Variants in MPPED1 observed in about 807,000 individuals in gnomAD.
The protein encoded by MPPED1 is metallophosphoesterase domain-containing protein 1.
A neutral mutation model predicts 36.2 loss-of-function variants in MPPED1; 16 were observed. The ratio of observed to expected loss-of-function variants is 0.44; its 90% CI spans 0.30 to 0.67. The LOEUF (loss-of-function observed/expected upper bound fraction) is 0.67, where lower values mean the gene tolerates loss of function less well. Ranked by LOEUF, MPPED1 falls within the 30% of genes least tolerant of loss-of-function variation. MPPED1 has a pLI of 0.10. For synonymous variants in MPPED1, 199 were observed against 191.3 expected (o/e 1.04, Z -0.33); for missense variants, 307 against 453.4 (o/e 0.68, Z 2.93).
At chr22:43,478,198 T>C (rs974954836) in intron 4 of MPPED1, among the ~76,000 whole-genome samples, 2 of 152,234 alleles carry the variant, frequency 1.3e-5, no homozygotes, top group African/African-American at 4.8e-5. Flanking sequence ...AGTGGCCTTT[T>C]TGAACGTATC....
chr22:43,438,137 A>G (rs1930028222), intron 3 of MPPED1, among the ~76,000 whole-genome samples: 1 of 152,140 alleles, frequency 6.6e-6, no homozygotes, highest in African/African-American at 2.4e-5. Context: ...ATGCGAGGGG[A>G]CGGTGGCTTC....
At chr22:43,445,994 C>A (rs1208691092) in intron 3 of MPPED1, among the ~76,000 whole-genome samples, 3 of 151,196 alleles carry the variant, frequency 2.0e-5, no homozygotes, top group African/African-American at 7.3e-5. Context: ...CCTTAGCCCC[C>A]CTAGTAGCTG....
intron 1 of MPPED1, among the ~76,000 whole-genome samples, chr22:43,422,273 T>C (rs933218): frequency 0.28 from 43,010 of 152,170 alleles, 7,362 homozygotes; most frequent in Non-Finnish European, 0.38. Context: ...CCTTGATCAT[T>C]TGTCAAACAT....
intron 3 of MPPED1, among the ~76,000 whole-genome samples, chr22:43,466,593 G>T (rs1293259440): frequency 1.3e-5 from 2 of 152,014 alleles, no homozygotes; most frequent in African/African-American, 4.8e-5. Flanking sequence ...TGAGCCAGGG[G>T]GATTGTCTCT....
chr22:43,476,624 C>T (rs942578433), intron 4 of MPPED1, among the ~76,000 whole-genome samples: 3 of 152,130 alleles, frequency 2.0e-5, no homozygotes, highest in Non-Finnish European at 4.4e-5. Flanking sequence ...CTTGCCATAG[C>T]CTCCTCATGG....
chr22:43,456,366 A>G (rs1222208631), intron 3 of MPPED1, among the ~76,000 whole-genome samples: 3 of 152,158 alleles, frequency 2.0e-5, no homozygotes. Context: ...GGCTTAGGTG[A>G]TTCTCCTGCC....
Position 43,435,142 on chromosome 22 carries a change from C to A in MPPED1, c.333C>A (p.Asp111Glu), listed in dbSNP as rs200057030. ...ACCCCATCCAGATGCCGTACGGCGA[C>A]GTGCTGATCCACGCTGGGGACTTCA... The part of the protein sequence containing the change: ...RTDPIQMPYG[D>E]VLIHAGDFTE... The change falls in exon 3 of 7, where the codon GAC (aspartate) becomes GAA (glutamate). Residue 111 changes from aspartate to glutamate, a missense_variant. Physicochemically the swap from Asp to Glu is conservative, Grantham distance 45 (BLOSUM62 2). Around this residue, in one of 3 missense-constraint regions of MPPED1, gnomAD observed 169 missense variants for 212.3 expected, o/e 0.80. Coordinates refer to ENST00000443721, the MANE Select transcript of MPPED1 (RefSeq NM_001044370.2). 8 of 1,613,676 alleles carry A rather than the reference C, an allele frequency of 5.0e-6. No individual in the cohort carries two copies. The highest frequency in any genetic ancestry group is 1.3e-5 in the African/African-American group (1 of 75,064).
chr22:43,465,708 G>A (rs1931144086), intron 3 of MPPED1, among the ~76,000 whole-genome samples: 1 of 152,186 alleles, frequency 6.6e-6, no homozygotes, highest in Admixed American at 6.5e-5. Flanking sequence ...AAGTGGCCCT[G>A]GGGTTGGCTG....
At chr22:43,470,106 T>TCATCCATC (rs201279311) in intron 3 of MPPED1, among the ~76,000 whole-genome samples, 1 of 150,126 alleles carries the variant, frequency 6.7e-6, no homozygotes, top group African/African-American at 2.4e-5. Flanking sequence ...CATCCATAAA[T>TCATCCATC]CATCCATCCA....
At chr22:43,501,710 G>C (rs1320106469) in intron 5 of MPPED1, among the ~76,000 whole-genome samples, 1 of 152,152 alleles carries the variant, frequency 6.6e-6, no homozygotes, top group Non-Finnish European at 1.5e-5. Flanking sequence ...TAAGTGGCTT[G>C]TCCAAGGTCA....
intron 4 of MPPED1, among the ~76,000 whole-genome samples, chr22:43,496,345 G>GGTA: frequency 1.9e-5 from 1 of 52,234 alleles, no homozygotes; most frequent in Non-Finnish European, 3.2e-5. Context: ...TGGTGATGGA[G>GGTA]GTGGTGGTGG....
intron 3 of MPPED1, among the ~76,000 whole-genome samples, chr22:43,447,883 A>ATATATATATATTTTT (rs1321289636): frequency 5.9e-5 from 4 of 67,704 alleles, no homozygotes; most frequent in African/African-American, 6.7e-5. Flanking sequence ...ATATATATAT[A>ATATATATATATTTTT]TTTTTTTTTT....
In MPPED1 at chr22:43,506,515, A is replaced by G. The variant is rs1418328462; in HGVS notation, c.*899A>G. 6.6e-6 allele frequency: 1 copy of G among 152,226 alleles called. No homozygotes were observed. The highest frequency in any genetic ancestry group is 1.5e-5 in the Non-Finnish European group (1 of 68,100). The allele number at this position is 152,226 out of a possible 1,614,324, so 9.4% of individuals were successfully genotyped here. A position where few individuals can be genotyped will look rare whatever the true frequency, so the allele number is the denominator to read the frequency against. ...TGCACGCACGCACCCCTCTTAATTGAACCAAGTGGGTCCTGTGTTTCTCTT... is the reference window on the plus strand; with the variant it reads ...TGCACGCACGCACCCCTCTTAATTGGACCAAGTGGGTCCTGTGTTTCTCTT... On this transcript the variant is annotated 3_prime_UTR_variant, in exon 7 of 7. Transcript: ENST00000443721.
At chr22:43,454,511 C>T (rs573247603) in intron 3 of MPPED1, among the ~76,000 whole-genome samples, 19 of 151,976 alleles carry the variant, frequency 1.3e-4, no homozygotes, top group African/African-American at 4.3e-4. Context: ...CACTATGTTT[C>T]CCAGGCTGGT....
At chr22:43,500,590 A>G (rs1240708240) in intron 5 of MPPED1, among the ~76,000 whole-genome samples, 1 of 151,820 alleles carries the variant, frequency 6.6e-6, no homozygotes, top group African/African-American at 2.4e-5. Flanking sequence ...AGTCCTCTGA[A>G]TGAAGTTCAG....
At chr22:43,491,970 G>T (rs1251640088) in intron 4 of MPPED1, among the ~76,000 whole-genome samples, 1 of 150,022 alleles carries the variant, frequency 6.7e-6, no homozygotes, top group Admixed American at 6.6e-5. Flanking sequence ...GGAGGTGGTG[G>T]TAATGATTGA....
At chr22:43,456,579 C>G (rs898008541) in intron 3 of MPPED1, among the ~76,000 whole-genome samples, 1 of 152,232 alleles carries the variant, frequency 6.6e-6, no homozygotes, top group African/African-American at 2.4e-5. Context: ...ACTGCAACCT[C>G]TGCCTCCCAG....
chr22:43,451,613 G>T (rs1208576802), intron 3 of MPPED1, among the ~76,000 whole-genome samples: 3 of 152,204 alleles, frequency 2.0e-5, no homozygotes, highest in Non-Finnish European at 4.4e-5. Flanking sequence ...GCTTTCTTTG[G>T]TAACATCCCA....
At chr22:43,437,835 G>T (rs2146837471) in intron 3 of MPPED1, among the ~76,000 whole-genome samples, 1 of 152,334 alleles carries the variant, frequency 6.6e-6, no homozygotes, top group African/African-American at 2.4e-5. Flanking sequence ...GCTCCCCTGG[G>T]TAGGGGTGGG....
Sources: allele counts gnomAD v4.1 joint callset (sites outside exome capture counted in the v4.1 genomes callset), GRCh38; gene constraint gnomAD v4.1.1; regional missense constraint gnomAD v4.1.1; transcripts MANE v1.5; gene names NCBI Gene and HGNC (gene_info 2026-07-23, HGNC 2026-07-21).